Variants in SI observed in about 807,000 individuals in gnomAD.
SI encodes sucrase-isomaltase, intestinal.
A neutral mutation model predicts 253.3 loss-of-function variants in SI; 235 were observed. The observed-to-expected ratio is 0.93, with a 90% CI of 0.83 to 1.03. The LOEUF (loss-of-function observed/expected upper bound fraction) is 1.03. Among genes scored for constraint, SI ranks in the 50% least tolerant of loss-of-function variants. SI has a pLI of 0.00. For missense variants in SI, 2,442 were observed against 2,211.1 expected (o/e 1.10, Z -2.09); for synonymous variants, 819 against 712.0 (o/e 1.15, Z -2.39).
At chr3:165,021,094 G>C in intron 27 of SI, 135 bp downstream of exon 27, 1 of 718,866 alleles carries the variant, frequency 1.4e-6, no homozygotes, top group Non-Finnish European at 2.4e-6. Context: ...ATTAAAATGG[G>C]CAAAGTTATT....
chr3:164,999,456 A>G (rs1181317544), intron 37 of SI, among the ~76,000 whole-genome samples: 1 of 151,730 alleles, frequency 6.6e-6, no homozygotes, highest in Admixed American at 6.6e-5. Flanking sequence ...TTACTCTAAT[A>G]TTAGTTGGAA....
chr3:165,046,669 A>G (rs1405512185), intron 16 of SI, among the ~76,000 whole-genome samples, 172 bp downstream of exon 16: 1 of 152,054 alleles, frequency 6.6e-6, no homozygotes, highest in Non-Finnish European at 1.5e-5. Flanking sequence ...TAATGGTTGG[A>G]AATTATAGAT....
rs138681874 is a variant in SI at position 165,066,660 on chromosome 3, A to G, written c.635+680T>C. 1.8e-3 allele frequency among the ~76,000 whole-genome samples: 267 copies of G among 152,076 alleles called. No individual in the cohort carries two copies. In the East Asian group the frequency reaches 0.037, roughly 21 times the overall value. The stretch of plus-strand genomic sequence containing the variant: ...ACTCAACATGTTTTAGATTCAACAT[A>G]TAAGGGAGATCATACAGTATTTGCC... On this transcript the variant is annotated intron_variant, in intron 6 of 47. Coordinates refer to ENST00000264382, the MANE Select transcript of SI (RefSeq NM_001041.4).
chr3:165,022,122 T>G (rs1418693292), intron 26 of SI, among the ~76,000 whole-genome samples: 4 of 151,626 alleles, frequency 2.6e-5, no homozygotes, highest in Non-Finnish European at 5.9e-5. Flanking sequence ...TATCTTCTTA[T>G]GAGAGGTCTT....
chr3:165,063,704 A>C (rs1273551376), intron 7 of SI, among the ~76,000 whole-genome samples, 163 bp from the exon 8 acceptor site: 5 of 151,088 alleles, frequency 3.3e-5, no homozygotes, highest in Non-Finnish European at 4.4e-5. Flanking sequence ...TATTATAGGT[A>C]AAACAAAAAA....
At chr3:164,991,619 T>C in intron 43 of SI, 142 bp from the exon 44 acceptor site, 1 of 879,514 alleles carries the variant, frequency 1.1e-6, no homozygotes, top group Non-Finnish European at 1.8e-6. Flanking sequence ...AAAATCTTAA[T>C]TTGTTTCACT....
At chr3:164,988,447 C>T (rs534402103) in intron 44 of SI, among the ~76,000 whole-genome samples, 5 of 152,238 alleles carry the variant, frequency 3.3e-5, no homozygotes, top group Admixed American at 2.6e-4. Flanking sequence ...ACTTTCTATA[C>T]TGTACAATGA....
chr3:164,979,195 A>C lies in SI; in HGVS notation c.*167T>G, dbSNP rs559616118. Reference sequence around the variant, plus strand: ...AATTGAATCCAAGTCACATTACTATAATAAAATTAGCATTATCATTGATGT... The same window carrying C: ...AATTGAATCCAAGTCACATTACTATCATAAAATTAGCATTATCATTGATGT... On this transcript the variant is annotated 3_prime_UTR_variant, in exon 48 of 48. Coordinates refer to ENST00000264382, the MANE Select transcript of SI (RefSeq NM_001041.4). 1.1e-5 allele frequency: 7 copies of C among 609,254 alleles called. No individual in the cohort carries two copies. In the South Asian group the frequency reaches 1.4e-4, roughly 12 times the overall value. 37.7% of individuals were successfully genotyped at this position (609,254 alleles called of 1,614,324 possible). A position where few individuals can be genotyped will look rare whatever the true frequency, so the allele number is the denominator to read the frequency against.
rs1351749545 is a variant in SI at position 165,030,858 on chromosome 3, TTAGGAGAACC to T, written c.2737-1_2745del. 1 of 1,549,854 alleles carries T rather than the reference TTAGGAGAACC, an allele frequency of 6.5e-7. No individual in the cohort carries two copies. The highest frequency in any genetic ancestry group is 2.4e-5 in the East Asian group (1 of 42,434). On this transcript the variant is annotated splice_acceptor_variant and coding_sequence_variant, in exon 25 of 48. Transcript: ENST00000264382. LOFTEE classifies it high-confidence loss of function. ...CCAAGATTAAGTTTGAGATCTGCAA[TTAGGAGAACC>T]TTTGAAGACAAAAAAAAAAAAAGAA...
chr3:165,038,100 AT>A (rs1712626923), intron 20 of SI, 76 bp from the exon 21 acceptor site: 3 of 1,316,810 alleles, frequency 2.3e-6, no homozygotes, highest in South Asian at 1.2e-5. Flanking sequence ...ATTAAAAGGC[AT>A]TTTTATTATG....
intron 26 of SI, among the ~76,000 whole-genome samples, chr3:165,022,895 T>A (rs1263012905): frequency 6.6e-6 from 1 of 151,634 alleles, no homozygotes; most frequent in Admixed American, 6.6e-5. Flanking sequence ...TTATTTATAA[T>A]TTTAAAATAC....
chr3:165,036,439 T>C lies in SI; in HGVS notation c.2465A>G (p.Glu822Gly). ...AAAGTCTCCTTTGGCTGTGTTGTTT[T>C]CACCTAATGCGACTATAAGTCCTAG... is the stretch of plus-strand genomic sequence containing the variant. ...NPLGLIVALG[E>G]NNTAKGDFFW... is the part of the protein sequence containing the mutation. Residue 822 changes from glutamate to glycine, a missense_variant, in exon 22 of 48, where the codon GAA becomes GGA. Physicochemically the swap from Glu to Gly is moderately conservative, Grantham distance 98. Transcript: ENST00000264382. 1 of 1,611,714 alleles carries C rather than the reference T, an allele frequency of 6.2e-7. No individual in the cohort carries two copies. The highest frequency in any genetic ancestry group is 1.1e-5 in the South Asian group (1 of 91,060).
rs1389455714 is a variant in SI, at chr3:165,068,768, A to C, written c.437T>G (p.Val146Gly). 1.2e-6 allele frequency: 2 copies of C among 1,613,896 alleles called. No individual in the cohort carries two copies. Among genetic ancestry groups the C allele is most frequent in the Non-Finnish European group, 1.7e-6 (2 of 1,179,894 alleles). The change falls in exon 5 of 48, where the codon GTT becomes GGT. Residue 146 changes from valine (V) to glycine (G), a missense_variant. By Grantham distance (109) the Val-to-Gly change is moderately radical. Coordinates refer to ENST00000264382, the MANE Select transcript of SI (RefSeq NM_001041.4). ...TGTCTGATTTTGAGTTGTGAAGAGAACACTGTTGATGTCATTTCCAAATAG... is the reference window on the plus strand; with the variant it reads ...TGTCTGATTTTGAGTTGTGAAGAGACCACTGTTGATGTCATTTCCAAATAG... ...PTLFGNDINS[V>G]LFTTQNQTPN...
At chr3:165,078,208 A>G (rs1279109571) in intron 1 of SI, among the ~76,000 whole-genome samples, 1 of 151,490 alleles carries the variant, frequency 6.6e-6, no homozygotes, top group African/African-American at 2.4e-5. Context: ...CAAAAGTTAT[A>G]ATGAAGAGTT....
At chr3:165,019,897 C>A in intron 27 of SI, 127 bp from the exon 28 acceptor site, 3 of 847,998 alleles carry the variant, frequency 3.5e-6, no homozygotes, top group Non-Finnish European at 5.7e-6. Context: ...CTAATTATAC[C>A]CAGGTACCAA....
intron 37 of SI, 32 bp downstream of exon 37, chr3:165,006,784 A>G: frequency 1.3e-6 from 2 of 1,588,982 alleles, no homozygotes; most frequent in Non-Finnish European, 1.7e-6. Flanking sequence ...AGAATAAAAG[A>G]GTCAGAGAGG....
rs1052073504 is a variant in SI at position 165,058,955 on chromosome 3, T to C, written c.1398+8A>G. ...AGCAACATAGTTTTAATAAATATCA[T>C]ATTTTACCTCTCCAATAATTGGTGT... On this transcript the variant is annotated splice_region_variant and intron_variant, in intron 12 of 47. Coordinates refer to ENST00000264382, the MANE Select transcript of SI (RefSeq NM_001041.4). 1.9e-6 allele frequency: 3 copies of C among 1,608,842 alleles called. No homozygotes were observed. Among genetic ancestry groups the C allele is most frequent in the Non-Finnish European group, 2.6e-6 (3 of 1,176,264 alleles).
At chr3:165,081,885 C>T (rs1715339231), upstream of SI, among the ~76,000 whole-genome samples, 1 of 151,866 alleles carries the variant, frequency 6.6e-6, no homozygotes, top group African/African-American at 2.4e-5. Context: ...AAGGAGAAAA[C>T]AAATTCAGGG....
chr3:165,023,605 C>T lies in SI; in HGVS notation c.3064G>A (p.Val1022Met), dbSNP rs201018248. The T allele has an allele frequency of 6.2e-7, 1 of 1,610,612 alleles. No homozygotes were observed. ...SDPISTLRVE[V>M]KYHKNDMLQF... ...AACATATCATTTTTGTGATATTTCA[C>T]CTCCACACGAAGAGTTGAGATGGGG... The change falls in exon 26 of 48, where the codon GTG (valine) becomes ATG (methionine). Residue 1022 changes from valine (V) to methionine (M), a missense_variant. Physicochemically the swap from Val to Met is conservative, Grantham distance 21. Coordinates refer to ENST00000264382, the MANE Select transcript of SI (RefSeq NM_001041.4).
Sources: allele counts gnomAD v4.1 joint callset (sites outside exome capture counted in the v4.1 genomes callset), GRCh38; gene constraint gnomAD v4.1.1; transcripts MANE v1.5; gene names NCBI Gene and HGNC (gene_info 2026-07-23, HGNC 2026-07-21).